FBXL5: variants seen among roughly 807,000 people sequenced by gnomAD.
FBXL5 encodes the protein F-box and leucine rich repeat protein 5, also known as F-box/LRR-repeat protein 5.
A neutral mutation model predicts 78.3 loss-of-function variants in FBXL5; 26 were observed. The ratio of observed to expected loss-of-function variants is 0.33; its 90% CI spans 0.24 to 0.46. The LOEUF is 0.46. Among genes scored for constraint, FBXL5 ranks in the 20% least tolerant of loss-of-function variants. The pLI, the probability that FBXL5 is intolerant of heterozygous loss-of-function variation, is 1.00. For missense variants in FBXL5, 710 were observed against 829.2 expected, an observed-to-expected ratio of 0.86 and a Z score of 1.77; for synonymous variants, 295 against 282.5, an observed-to-expected ratio of 1.04 and a Z score of -0.45.
intron 10 of FBXL5, among the ~76,000 whole-genome samples, chr4:15,606,057 A>G (rs931278392): frequency 6.6e-6 from 1 of 152,216 alleles, no homozygotes; most frequent in Non-Finnish European, 1.5e-5. Context: ...AACTTACAAT[A>G]TAAAAATCCA....
chr4:15,609,354 GA>G (rs1220986335), intron 10 of FBXL5, among the ~76,000 whole-genome samples: 7 of 152,070 alleles, frequency 4.6e-5, no homozygotes, highest in African/African-American at 7.2e-5. Flanking sequence ...CAGATGATAG[GA>G]AGTATAAGGT....
intron 10 of FBXL5, among the ~76,000 whole-genome samples, chr4:15,606,381 A>G (rs2148506279): frequency 6.6e-6 from 1 of 152,226 alleles, no homozygotes; most frequent in African/African-American, 2.4e-5. Flanking sequence ...TGAGTGATCA[A>G]TTAAACTGTA....
At chr4:15,676,933 G>A (rs1014486037) in intron 1 of FBXL5, among the ~76,000 whole-genome samples, 6 of 152,060 alleles carry the variant, frequency 3.9e-5, no homozygotes, top group East Asian at 1.9e-4. Context: ...AAGTAGTCAC[G>A]AATGGCCCAA....
chr4:15,623,201 A>C (rs1486719515), intron 9 of FBXL5, among the ~76,000 whole-genome samples: 2 of 152,186 alleles, frequency 1.3e-5, no homozygotes, highest in East Asian at 3.8e-4. Flanking sequence ...AGTGTTTTCC[A>C]AAACCTTATA....
chr4:15,625,837 G>C lies in FBXL5; in HGVS notation c.1265C>G (p.Ser422Cys). ...TSHQSGFLKTSTSKITSTAWK... is the reference protein window; with the variant it reads ...TSHQSGFLKTCTSKITSTAWK... ...CGCAGTTGAAGTAATTTTGCTTGTA[G>C]ATGTTTTCAAAAAGCCACTTTGATG... The change falls in exon 9 of 11, where the codon TCT becomes TGT. Residue 422 changes from serine (S) to cysteine (C), a missense_variant. Around this residue, in one of 4 missense-constraint regions of FBXL5, gnomAD observed 517 missense variants for 542.9 expected, o/e 0.95. Transcript: ENST00000341285. The C allele has an allele frequency of 6.2e-7, 1 of 1,614,112 alleles. No individual in the cohort carries two copies. The highest frequency in any genetic ancestry group is 8.5e-7 in the Non-Finnish European group (1 of 1,180,012).
intron 9 of FBXL5, among the ~76,000 whole-genome samples, chr4:15,619,490 TAGAC>T (rs1179509938): frequency 2.0e-5 from 3 of 152,194 alleles, no homozygotes; most frequent in Admixed American, 6.5e-5. Context: ...AAACTAGAAA[TAGAC>T]AGGAACTTCT....
chr4:15,675,790 C>T (rs1717973626), intron 1 of FBXL5, among the ~76,000 whole-genome samples: 1 of 151,970 alleles, frequency 6.6e-6, no homozygotes, highest in Non-Finnish European at 1.5e-5. Flanking sequence ...ACCATGTTAA[C>T]CAAGCTGGTC....
chr4:15,620,476 C>T (rs1051168188), intron 9 of FBXL5, among the ~76,000 whole-genome samples: 1 of 152,154 alleles, frequency 6.6e-6, no homozygotes, highest in African/African-American at 2.4e-5. Context: ...TACTAAATAA[C>T]CTTGAAAAGG....
chr4:15,653,726 A>G (rs1210188639), intron 1 of FBXL5, among the ~76,000 whole-genome samples: 1 of 152,158 alleles, frequency 6.6e-6, no homozygotes, highest in African/African-American at 2.4e-5. Flanking sequence ...ACACTATAAT[A>G]CTGCTAAGTA....
intron 1 of FBXL5, among the ~76,000 whole-genome samples, chr4:15,672,399 T>C (rs934370655): frequency 2.0e-5 from 3 of 152,238 alleles, no homozygotes; most frequent in Non-Finnish European, 4.4e-5. Flanking sequence ...GTGACCATCA[T>C]AGAGTACTTA....
At chr4:15,615,887 T>C (rs986150213) in intron 9 of FBXL5, among the ~76,000 whole-genome samples, 2 of 152,114 alleles carry the variant, frequency 1.3e-5, no homozygotes, top group African/African-American at 2.4e-5. Flanking sequence ...CAGGTCCCCT[T>C]CCACACTGTG....
At chr4:15,627,839 CA>C (rs1560221158) in intron 7 of FBXL5, 45 bp downstream of exon 7, 1 of 1,563,686 alleles carries the variant, frequency 6.4e-7, no homozygotes, top group East Asian at 2.3e-5. Flanking sequence ...AAACTCTTAT[CA>C]TGCTGTTTTT....
intron 1 of FBXL5, among the ~76,000 whole-genome samples, chr4:15,668,921 T>C (rs1303358077): frequency 6.6e-6 from 1 of 152,212 alleles, no homozygotes; most frequent in Non-Finnish European, 1.5e-5. Flanking sequence ...CAGTAGCTCA[T>C]TTACTTTTTA....
At chr4:15,644,428 T>G in intron 2 of FBXL5, 65 bp downstream of exon 2, 1 of 1,288,466 alleles carries the variant, frequency 7.8e-7, no homozygotes, top group Non-Finnish European at 1.1e-6. Context: ...GTGACAAGTT[T>G]TGCCAATGAT....
chr4:15,661,485 A>C (rs542969892), upstream of FBXL5, among the ~76,000 whole-genome samples: 17 of 152,276 alleles, frequency 1.1e-4, no homozygotes, highest in East Asian at 3.1e-3. Context: ...GGTCTCTGCC[A>C]ATTTTCAGTG....
intron 1 of FBXL5, among the ~76,000 whole-genome samples, chr4:15,652,513 C>T (rs976902844): frequency 6.6e-6 from 1 of 152,194 alleles, no homozygotes; most frequent in East Asian, 1.9e-4. Context: ...AAAAAGAAAT[C>T]CATGGGCAAA....
At chr4:15,607,994 T>A (rs1721998403) in intron 10 of FBXL5, among the ~76,000 whole-genome samples, 1 of 152,120 alleles carries the variant, frequency 6.6e-6, no homozygotes, top group South Asian at 2.1e-4. Context: ...CTAAGCAAAA[T>A]AACGTATAAC....
At chr4:15,645,273 C>T (rs1371408632) in intron 1 of FBXL5, among the ~76,000 whole-genome samples, 3 of 152,052 alleles carry the variant, frequency 2.0e-5, no homozygotes, top group African/African-American at 2.4e-5. Flanking sequence ...AAAATTATTC[C>T]TACTATACAT....
upstream of FBXL5, among the ~76,000 whole-genome samples, chr4:15,659,401 T>C (rs1399695907): frequency 1.3e-5 from 2 of 152,196 alleles, no homozygotes; most frequent in African/African-American, 4.8e-5. Flanking sequence ...TTTAAAGGGT[T>C]CTCATTTTGA....
Sources: gnomAD v4.1 joint callset for allele counts (sites outside exome capture counted in the v4.1 genomes callset) on GRCh38, gnomAD v4.1.1 for gene constraint, gnomAD v4.1.1 regional missense constraint, MANE v1.5 for transcripts, NCBI Gene and HGNC (gene_info 2026-07-23, HGNC 2026-07-21) for gene names.